The following SFMBT2 variants were observed in gnomAD, a reference collection of about 807,000 sequenced individuals.
SFMBT2 encodes the protein scm-like with four MBT domains protein 2.
Under a neutral mutation model 110.1 loss-of-function variants are expected in SFMBT2, and 38 were observed. The observed-to-expected ratio is 0.35, with a 90% confidence interval of 0.27 to 0.45. SFMBT2 has a LOEUF of 0.45. Among genes scored for constraint, SFMBT2 ranks in the 20% least tolerant of loss-of-function variants. The probability of loss-of-function intolerance (pLI) is 1.00; values close to 1 mark genes in which losing one functional copy is unlikely to be tolerated. For missense variants in SFMBT2, 1,011 were observed against 1,094.9 expected (o/e 0.92, Z 1.08); for synonymous variants, 425 against 425.4 (o/e 1.00, Z 0.01).
chr10:7,277,329 T>A (rs1351885488), intron 6 of SFMBT2: 2 of 211,402 alleles, frequency 9.5e-6, no homozygotes, highest in Non-Finnish European at 1.6e-5. Flanking sequence ...ATTCCACCTA[T>A]CACCTAGGAA....
intron 6 of SFMBT2, among the ~76,000 whole-genome samples, chr10:7,282,672 A>T (rs1045291077): frequency 1.3e-5 from 2 of 152,252 alleles, no homozygotes; most frequent in Non-Finnish European, 1.5e-5. Context: ...ACTTAATGCA[A>T]ATGCAAACAC....
intron 4 of SFMBT2, among the ~76,000 whole-genome samples, chr10:7,299,633 T>C (rs1191588761): frequency 6.6e-6 from 1 of 152,170 alleles, no homozygotes; most frequent in Non-Finnish European, 1.5e-5. Flanking sequence ...ACGCTGTTGG[T>C]GGGAGTGTAA....
intron 13 of SFMBT2, 21 bp downstream of exon 13, chr10:7,202,459 G>A (rs1830807): frequency 0.026 from 41,633 of 1,613,900 alleles, 618 homozygotes; most frequent in Non-Finnish European, 0.027. Context: ...AGTGTAGTCT[G>A]GAGGGGAAAA....
chr10:7,277,435 C>T, intron 6 of SFMBT2: 2 of 244,218 alleles, frequency 8.2e-6, no homozygotes, highest in Non-Finnish European at 1.3e-5. Context: ...CATATTTTCA[C>T]TAAATCTCTA....
intron 9 of SFMBT2, among the ~76,000 whole-genome samples, chr10:7,243,056 C>A (rs1840484783): frequency 6.6e-6 from 1 of 152,156 alleles, no homozygotes; most frequent in Non-Finnish European, 1.5e-5. Flanking sequence ...GTTCTTGAAT[C>A]CCAATTTAAA....
intron 1 of SFMBT2, among the ~76,000 whole-genome samples, chr10:7,385,410 G>A (rs1026915202): frequency 3.3e-5 from 5 of 152,142 alleles, no homozygotes; most frequent in African/African-American, 4.8e-5. Context: ...ATCACTCAGG[G>A]AAAATACCGG....
chr10:7,324,532 T>C (rs558857163), intron 4 of SFMBT2, among the ~76,000 whole-genome samples: 42 of 152,314 alleles, frequency 2.8e-4, no homozygotes, highest in African/African-American at 9.6e-4. Context: ...TTCCCTGAGT[T>C]ACTCCTCATA....
Position 7,300,678 on chromosome 10 carries a change from T to A in SFMBT2, c.437-14724A>T, listed in dbSNP as rs557081611. On this transcript the variant is annotated intron_variant, in intron 4 of 20. Transcript: ENST00000397167. ...TTCTGTGAGGATGGAAAAGCATTACTCTTGTTCAAACTTTCTCCTCCAGGC... is the reference window on the plus strand; with the variant it reads ...TTCTGTGAGGATGGAAAAGCATTACACTTGTTCAAACTTTCTCCTCCAGGC... Among the ~76,000 whole-genome samples, 6 of 152,348 alleles carry A rather than the reference T, an allele frequency of 3.9e-5. No individual in the cohort carries two copies. In the South Asian group the frequency reaches 1.2e-3, roughly 32 times the overall value.
At chr10:7,286,309 G>A in intron 4 of SFMBT2, 2 of 526,042 alleles carry the variant, frequency 3.8e-6, no homozygotes, top group Non-Finnish European at 2.4e-6. Context: ...ATCAGAGAAA[G>A]GCTTTCCAGG....
At position 7,220,425 on chromosome 10, in the gene SFMBT2, C is replaced by T; in HGVS notation, c.1316G>A (p.Trp439Ter). Reference sequence around the variant, plus strand: ...CGAGTACGTACCTTCCAGGTGAAGCCACATTAGCCGCCCCTTCACACTCAC... The same window carrying T: ...CGAGTACGTACCTTCCAGGTGAAGCTACATTAGCCGCCCCTTCACACTCAC... ...SVVSVKGRLMWLHLEGLQTPV... is the reference protein window; with the variant it reads ...SVVSVKGRLM The change falls in exon 11 of 21, where the codon TGG (tryptophan) becomes TAG (stop). Residue 439 changes from tryptophan (W) to a stop codon, truncating the protein, a stop_gained. Coordinates refer to ENST00000397167, the MANE Select transcript of SFMBT2 (RefSeq NM_001387889.1). LOFTEE classifies it high-confidence loss of function. The T allele has an allele frequency of 6.2e-7, 1 of 1,613,942 alleles. No individual in the cohort carries two copies. The highest frequency in any genetic ancestry group is 8.5e-7 in the Non-Finnish European group (1 of 1,179,864).
chr10:7,406,332 C>T (rs1846207744), intron 1 of SFMBT2, among the ~76,000 whole-genome samples: 1 of 151,720 alleles, frequency 6.6e-6, no homozygotes, highest in South Asian at 2.1e-4. Context: ...GAGTAAATTT[C>T]CTTTACGGAC....
chr10:7,369,147 C>T (rs556817501), intron 3 of SFMBT2, among the ~76,000 whole-genome samples: 5 of 152,020 alleles, frequency 3.3e-5, no homozygotes, highest in Non-Finnish European at 5.9e-5. Context: ...GGCAACATGG[C>T]GAGACTTGGC....
chr10:7,319,205 C>G (rs895104165), intron 4 of SFMBT2, among the ~76,000 whole-genome samples: 1 of 152,182 alleles, frequency 6.6e-6, no homozygotes, highest in African/African-American at 2.4e-5. Context: ...GTCACTAAAC[C>G]AAAATCATCA....
chr10:7,281,866 C>CA (rs1841957047), intron 6 of SFMBT2, among the ~76,000 whole-genome samples: 1 of 151,920 alleles, frequency 6.6e-6, no homozygotes, highest in East Asian at 1.9e-4. Flanking sequence ...TGTTTGTTTT[C>CA]ACAGAGTCTC....
chr10:7,171,831 A>G lies in SFMBT2; in HGVS notation c.2415+64T>C. 1 of 1,352,762 alleles carries G rather than the reference A, an allele frequency of 7.4e-7. No individual in the cohort carries two copies. The highest frequency in any genetic ancestry group is 9.5e-7 in the Non-Finnish European group (1 of 1,051,388). The allele number at this position is 1,352,762 out of a possible 1,614,324, so 83.8% of individuals were successfully genotyped here. ...AGGTTTCCCCACATCGTGGCCCTGA[A>G]GTGTAACAGGTGTGCTTCTTCAGAC... On this transcript the variant is annotated intron_variant, in intron 19 of 20. Coordinates refer to ENST00000397167, the MANE Select transcript of SFMBT2 (RefSeq NM_001387889.1). This position sits in a 1 kb window ranked among gnomAD's most constrained non-coding sequence, Gnocchi z 4.9.
chr10:7,307,863 A>G (rs1842739639), intron 4 of SFMBT2, among the ~76,000 whole-genome samples: 1 of 152,244 alleles, frequency 6.6e-6, no homozygotes, highest in Admixed American at 6.5e-5. Context: ...GAAGTCATTA[A>G]AAAGAAAACT....
intron 3 of SFMBT2, among the ~76,000 whole-genome samples, chr10:7,368,560 T>G (rs1318570545): frequency 6.6e-6 from 1 of 152,258 alleles, no homozygotes; most frequent in Admixed American, 6.5e-5. Context: ...TGGGGACTTC[T>G]GCAGCCTGAA....
chr10:7,364,279 T>C (rs1564459480), intron 4 of SFMBT2, among the ~76,000 whole-genome samples: 3 of 152,228 alleles, frequency 2.0e-5, no homozygotes, highest in Non-Finnish European at 4.4e-5. Flanking sequence ...TTAGCATAAG[T>C]TGTTAACAAT....
chr10:7,290,271 AAAAAG>A (rs979158446), intron 4 of SFMBT2, among the ~76,000 whole-genome samples: 2 of 152,144 alleles, frequency 1.3e-5, no homozygotes, highest in African/African-American at 4.8e-5. Context: ...CAAAAAAAAA[AAAAAG>A]AAAGAAACTT....
Sources: allele counts gnomAD v4.1 joint callset (sites outside exome capture counted in the v4.1 genomes callset), GRCh38; gene constraint gnomAD v4.1.1; non-coding constraint Gnocchi (gnomAD v3.1); transcripts MANE v1.5; gene names NCBI Gene and HGNC (gene_info 2026-07-23, HGNC 2026-07-21).